Variants in PATJ observed in about 807,000 individuals in gnomAD.
The protein encoded by PATJ is inaD-like protein.
In PATJ, 190 loss-of-function variants were observed where a neutral mutation model predicts 224.9. The observed-to-expected ratio is 0.84, with a 90% confidence interval of 0.75 to 0.95. The LOEUF is 0.95. Ranked by LOEUF, PATJ falls within the 40% of genes least tolerant of loss-of-function variation. The pLI, the probability that PATJ is intolerant of heterozygous loss-of-function variation, is 0.00. For missense variants in PATJ, 2,121 were observed against 2,270.3 expected (o/e 0.93, Z 1.34); for synonymous variants, 769 against 820.3 (o/e 0.94, Z 1.07).
intron 33 of PATJ, among the ~76,000 whole-genome samples, chr1:62,105,015 A>G (rs114815438): frequency 0.016 from 2,483 of 152,156 alleles, 70 homozygotes; most frequent in African/African-American, 0.056. Context: ...AAGAGGAATT[A>G]CAGTAGCAGT....
At chr1:61,809,547 C>A (rs1309568325) in intron 14 of PATJ, among the ~76,000 whole-genome samples, 1 of 151,752 alleles carries the variant, frequency 6.6e-6, no homozygotes, top group Non-Finnish European at 1.5e-5. Flanking sequence ...ACCACCATGC[C>A]CGGCTAATTT....
In PATJ at chr1:62,051,044, GA is replaced by G; in HGVS notation, c.4114del (p.Ser1372AlafsTer9). 1 of 1,612,054 alleles carries G rather than the reference GA, an allele frequency of 6.2e-7. No homozygotes were observed. The highest frequency in any genetic ancestry group is 2.2e-5 in the East Asian group (1 of 44,844). ...TGGTATTAAACAATTGCCTGAAAGT[GA>G]AAGCTTCAAACTGGTGAGAATCTTG... ...EVGIKQLPESESFKLAVSQMK... is the reference protein window; with the variant it reads ...EVGIKQLPESXSFKLAVSQMK... On this transcript the variant is annotated frameshift_variant, in exon 31 of 44. Coordinates refer to ENST00000642238, the MANE Select transcript of PATJ (RefSeq NM_001350145.3). LOFTEE classifies it high-confidence loss of function.
chr1:61,829,237 A>G (rs891721797), intron 16 of PATJ, among the ~76,000 whole-genome samples: 1 of 152,192 alleles, frequency 6.6e-6, no homozygotes, highest in Non-Finnish European at 1.5e-5. Context: ...TTTTTAGTCT[A>G]TATTAGGCAT....
At chr1:62,134,175 C>T (rs1387025099) in intron 41 of PATJ, among the ~76,000 whole-genome samples, 2 of 150,076 alleles carry the variant, frequency 1.3e-5, no homozygotes, top group Non-Finnish European at 3.0e-5. Flanking sequence ...TTCTCTTCAT[C>T]TGAAACACCC....
At chr1:62,040,848 T>C (rs1159830139) in intron 30 of PATJ, among the ~76,000 whole-genome samples, 1 of 152,138 alleles carries the variant, frequency 6.6e-6, no homozygotes, top group African/African-American at 2.4e-5. Context: ...GAAAAATAAC[T>C]TTTTTCTTCA....
intron 7 of PATJ, among the ~76,000 whole-genome samples, chr1:61,776,978 G>C (rs1646951012): frequency 6.6e-6 from 1 of 152,114 alleles, no homozygotes; most frequent in Admixed American, 6.5e-5. Context: ...GCCCGCCTTA[G>C]CCTCCCAAAG....
In PATJ at chr1:62,084,552, G is replaced by A. The variant is rs750794379; in HGVS notation, c.4281G>A (p.Thr1427=). ...FQAPLSVDPA[T]CPIVPGQEMI... Reference sequence around the variant, plus strand: ...CTCCTCTGTCAGTGGACCCCGCAACGTGTCCCATTGTCCCTGGACAGGAAA... The same window carrying A: ...CTCCTCTGTCAGTGGACCCCGCAACATGTCCCATTGTCCCTGGACAGGAAA... Residue 1427 remains threonine, a synonymous_variant, in exon 33 of 44, where the codon ACG becomes ACA. Coordinates refer to ENST00000642238, the MANE Select transcript of PATJ (RefSeq NM_001350145.3). 13 of 1,613,226 alleles carry A rather than the reference G, an allele frequency of 8.1e-6. No individual in the cohort carries two copies. The highest frequency in any genetic ancestry group is 4.5e-5 in the East Asian group (2 of 44,862).
chr1:61,858,751 A>G (rs1664099422), intron 18 of PATJ, among the ~76,000 whole-genome samples: 1 of 152,244 alleles, frequency 6.6e-6, no homozygotes, highest in African/African-American at 2.4e-5. Flanking sequence ...TGTATCAATC[A>G]TATATAAATA....
intron 14 of PATJ, among the ~76,000 whole-genome samples, chr1:61,818,213 T>C (rs1656544383): frequency 6.6e-6 from 1 of 152,262 alleles, no homozygotes; most frequent in South Asian, 2.1e-4. Flanking sequence ...ATTTTTGCAC[T>C]GACAGTAAAG....
At chr1:62,156,469 G>A (rs1669231343) in intron 43 of PATJ, among the ~76,000 whole-genome samples, 1 of 151,954 alleles carries the variant, frequency 6.6e-6, no homozygotes, top group South Asian at 2.1e-4. Context: ...GGCGGGGGTT[G>A]CAGTGAGCTG....
At chr1:62,088,801 TATATATATAGAATATATAGAAC>T (rs1368134730) in intron 33 of PATJ, among the ~76,000 whole-genome samples, 200 of 148,526 alleles carry the variant, frequency 1.3e-3, no homozygotes, top group African/African-American at 3.6e-3. Context: ...CAGTAGAATA[TATATATATAGAATATATAGAAC>T]ATATATATAG....
intron 33 of PATJ, among the ~76,000 whole-genome samples, chr1:62,100,783 G>C (rs1334236439): frequency 1.3e-5 from 2 of 152,188 alleles, no homozygotes; most frequent in Non-Finnish European, 2.9e-5. Flanking sequence ...AGCAGCCTCT[G>C]TCCTGAAGGC....
intron 28 of PATJ, chr1:62,013,354 G>T (rs1646565286): frequency 1.4e-5 from 14 of 985,176 alleles, no homozygotes; most frequent in Non-Finnish European, 1.6e-5. Context: ...CACTTCGAAG[G>T]CTGGAGCCCA....
intron 27 of PATJ, among the ~76,000 whole-genome samples, chr1:61,969,985 T>A (rs1216467530): frequency 2.0e-5 from 3 of 152,136 alleles, no homozygotes; most frequent in African/African-American, 7.2e-5. Flanking sequence ...TGAGCCACCG[T>A]GCCCGGCCCT....
chr1:62,140,499 A>G (rs113345972), intron 41 of PATJ, among the ~76,000 whole-genome samples: 2,391 of 152,138 alleles, frequency 0.016, 56 homozygotes, highest in African/African-American at 0.054. Flanking sequence ...CTAAAAATAC[A>G]AAAATTAGCT....
intron 33 of PATJ, among the ~76,000 whole-genome samples, chr1:62,090,036 G>A (rs1660530080): frequency 6.6e-6 from 1 of 152,246 alleles, no homozygotes. Context: ...CTGGAACCTG[G>A]TCTTGACACC....
chr1:61,763,007 C>T lies in PATJ; in HGVS notation c.23-6C>T. ...CTATTACTCTACTTATTCATCTTGA[C>T]CCAAGATAAACTGCAGGTGCTGCAG... On this transcript the variant is annotated splice_region_variant and splice_polypyrimidine_tract_variant and intron_variant, in intron 2 of 43. Coordinates refer to ENST00000642238, the MANE Select transcript of PATJ (RefSeq NM_001350145.3). 1 of 1,603,838 alleles carries T rather than the reference C, an allele frequency of 6.2e-7. No individual in the cohort carries two copies. Among genetic ancestry groups the T allele is most frequent in the South Asian group, 1.1e-5 (1 of 89,328 alleles).
At chr1:61,922,335 T>A (rs756228526) in intron 26 of PATJ, among the ~76,000 whole-genome samples, 40 of 152,182 alleles carry the variant, frequency 2.6e-4, no homozygotes, top group Non-Finnish European at 4.6e-4. Flanking sequence ...TGAGCCACCA[T>A]GCCTGGCCAG....
chr1:62,039,608 G>A (rs7519802), intron 30 of PATJ, among the ~76,000 whole-genome samples: 30,475 of 152,138 alleles, frequency 0.2, 3,478 homozygotes, highest in Non-Finnish European at 0.26. Flanking sequence ...CCTCTTTCCT[G>A]AGTTACAGAG....
Sources: gnomAD v4.1 joint callset for allele counts (sites outside exome capture counted in the v4.1 genomes callset) on GRCh38, gnomAD v4.1.1 for gene constraint, MANE v1.5 for transcripts, NCBI Gene and HGNC (gene_info 2026-07-23, HGNC 2026-07-21) for gene names.